Variants in NELL1 observed in about 807,000 individuals in gnomAD.
NELL1 encodes the protein protein kinase C-binding protein NELL1.
NELL1 carries 76 observed loss-of-function variants against 107.4 expected under a neutral mutation model. The ratio of observed to expected loss-of-function variants is 0.71; its 90% CI spans 0.59 to 0.86. NELL1 has a LOEUF of 0.86. Among genes scored for constraint, NELL1 ranks in the 40% least tolerant of loss-of-function variants. The pLI is 0.00. For synonymous variants in NELL1, 353 were observed against 341.2 expected (o/e 1.03, Z -0.38); for missense variants, 1,024 against 1,005.5 (o/e 1.02, Z -0.25).
intron 15 of NELL1, among the ~76,000 whole-genome samples, chr11:21,509,412 G>A (rs1855379573): frequency 6.6e-6 from 1 of 152,076 alleles, no homozygotes; most frequent in South Asian, 2.1e-4. Context: ...CATATGAGCA[G>A]GATTGTTCAT....
At chr11:21,158,855 G>A (rs1590691014) in intron 13 of NELL1, among the ~76,000 whole-genome samples, 2 of 152,044 alleles carry the variant, frequency 1.3e-5, no homozygotes, top group East Asian at 3.9e-4. Context: ...TTTTCAAGAA[G>A]CTTAGTTTTT....
At chr11:21,188,979 G>A (rs1310408622) in intron 13 of NELL1, among the ~76,000 whole-genome samples, 1 of 151,556 alleles carries the variant, frequency 6.6e-6, no homozygotes, top group Non-Finnish European at 1.5e-5. Flanking sequence ...TCATTTTCAC[G>A]CATGTTTTAT....
At chr11:21,221,509 C>T (rs2133873063) in intron 13 of NELL1, among the ~76,000 whole-genome samples, 1 of 152,178 alleles carries the variant, frequency 6.6e-6, no homozygotes, top group East Asian at 1.9e-4. Flanking sequence ...GCATCCATTC[C>T]CAGGGTTTTC....
chr11:20,910,150 A>G (rs187733100), intron 5 of NELL1, among the ~76,000 whole-genome samples: 1 of 152,248 alleles, frequency 6.6e-6, no homozygotes, highest in East Asian at 1.9e-4. Context: ...GGCTGGGGCA[A>G]TGTTGACGAC....
intron 15 of NELL1, among the ~76,000 whole-genome samples, chr11:21,500,283 C>A (rs1337405371): frequency 6.6e-6 from 1 of 152,008 alleles, no homozygotes; most frequent in East Asian, 1.9e-4. Context: ...TTTCATCTGT[C>A]ATGAGAGTTC....
chr11:20,848,051 T>C (rs1379554369), intron 4 of NELL1, among the ~76,000 whole-genome samples: 1 of 152,308 alleles, frequency 6.6e-6, no homozygotes, highest in East Asian at 1.9e-4. Context: ...CTGGCTGGAA[T>C]TCCATGGAGC....
intron 12 of NELL1, among the ~76,000 whole-genome samples, chr11:21,024,947 A>G (rs111671727): frequency 0.011 from 1,609 of 152,110 alleles, 23 homozygotes; most frequent in African/African-American, 0.037. Context: ...CTTCATCTCA[A>G]TCTGATTCAT....
At chr11:21,572,141 A>G (rs375874570) in intron 18 of NELL1, among the ~76,000 whole-genome samples, 59 of 151,948 alleles carry the variant, frequency 3.9e-4, no homozygotes, top group African/African-American at 1.1e-3. Context: ...TAGTTTCCCT[A>G]TGAGACTGGC....
chr11:21,289,714 C>T (rs1335897276), intron 14 of NELL1, among the ~76,000 whole-genome samples: 1 of 152,178 alleles, frequency 6.6e-6, no homozygotes, highest in Admixed American at 6.5e-5. Flanking sequence ...TGGTCTAGCT[C>T]ATTGGATTCC....
intron 15 of NELL1, among the ~76,000 whole-genome samples, chr11:21,429,720 A>T (rs1030043349): frequency 6.6e-6 from 1 of 152,166 alleles, no homozygotes; most frequent in East Asian, 1.9e-4. Context: ...GCCTTTACAT[A>T]TTTACAGGTT....
intron 2 of NELL1, among the ~76,000 whole-genome samples, chr11:20,700,874 T>G (rs1854763080): frequency 6.6e-6 from 1 of 152,230 alleles, no homozygotes; most frequent in African/African-American, 2.4e-5. Context: ...TTCCATGGTG[T>G]ATATGTGCCA....
At chr11:20,848,962 A>G (rs12278805) in intron 4 of NELL1, among the ~76,000 whole-genome samples, 5,035 of 152,322 alleles carry the variant, frequency 0.033, 91 homozygotes, top group Middle Eastern at 0.061. Flanking sequence ...ATGTCTGGAC[A>G]GAGTTTCCAT....
chr11:20,759,488 A>G (rs1034253021), intron 2 of NELL1, among the ~76,000 whole-genome samples: 9 of 152,218 alleles, frequency 5.9e-5, no homozygotes, highest in African/African-American at 2.2e-4. Context: ...ACCATAAAAC[A>G]TCTATTCTTG....
At position 21,483,990 on chromosome 11, in the gene NELL1, CATATATATATATATATATAT is replaced by C. The variant is rs781565679; in HGVS notation, c.1646-50361_1646-50342del. On this transcript the variant is annotated intron_variant, in intron 15 of 19. Transcript: ENST00000357134. ...TATTTGGGTATCCTATTTTACTTAA[CATATATATATATATATATAT>C]ATATATATATATATATATATATGTC... is the stretch of plus-strand genomic sequence containing the variant. Among the ~76,000 whole-genome samples, 382 of 88,390 alleles carry C rather than the reference CATATATATATATATATATAT, an allele frequency of 4.3e-3. 4 individuals are homozygous for C. The highest frequency in any genetic ancestry group is 0.016 in the African/African-American group (335 of 20,948). 58.0% of individuals were successfully genotyped at this position (88,390 alleles called of 152,430 possible). A position where few individuals can be genotyped will look rare whatever the true frequency, so the allele number is the denominator to read the frequency against.
Position 21,061,214 on chromosome 11 carries a change from G to T in NELL1, c.1301-52375G>T, listed in dbSNP as rs138367654. On this transcript the variant is annotated intron_variant, in intron 12 of 19. Transcript: ENST00000357134. ...GAGTTCACATGGAGTTTATATTCTG[G>T]TGGAGCCAGACAGTAGGCAAACACA... Among the ~76,000 whole-genome samples, 26 of 152,288 alleles carry T rather than the reference G, an allele frequency of 1.7e-4. No individual in the cohort carries two copies. In the East Asian group the frequency reaches 4.8e-3, roughly 28 times the overall value.
intron 15 of NELL1, among the ~76,000 whole-genome samples, chr11:21,441,214 A>G (rs182177674): frequency 1.3e-5 from 2 of 151,920 alleles, no homozygotes; most frequent in Non-Finnish European, 2.9e-5. Flanking sequence ...TTCTATCTCA[A>G]ATGTCCTCCT....
At chr11:21,508,242 A>G (rs991643981) in intron 15 of NELL1, among the ~76,000 whole-genome samples, 1 of 152,216 alleles carries the variant, frequency 6.6e-6, no homozygotes, top group African/African-American at 2.4e-5. Flanking sequence ...TAAATAATGT[A>G]TGTTAAATTT....
intron 9 of NELL1, among the ~76,000 whole-genome samples, chr11:20,932,924 T>G (rs1214229185): frequency 2.0e-5 from 3 of 152,244 alleles, no homozygotes; most frequent in Admixed American, 2.0e-4. Context: ...TGTATGTGTG[T>G]GTTAGGAAAA....
intron 12 of NELL1, among the ~76,000 whole-genome samples, chr11:21,097,606 C>T (rs1238341870): frequency 5.3e-5 from 8 of 151,820 alleles, no homozygotes; most frequent in South Asian, 4.2e-4. Flanking sequence ...TACAGGTAGC[C>T]GAGGGAACAG....
Sources: allele counts gnomAD v4.1 joint callset (sites outside exome capture counted in the v4.1 genomes callset), GRCh38; gene constraint gnomAD v4.1.1; transcripts MANE v1.5; gene names NCBI Gene and HGNC (gene_info 2026-07-23, HGNC 2026-07-21).